PUDP: variants seen among roughly 807,000 people sequenced by gnomAD.
The protein encoded by PUDP is pseudouridine 5'-phosphatase.
In PUDP, 8 loss-of-function variants were observed where a neutral mutation model predicts 9.4. The ratio of observed to expected loss-of-function variants is 0.85; its 90% CI spans 0.50 to 1.53. The LOEUF (loss-of-function observed/expected upper bound fraction) is 1.53. Among genes scored for constraint, PUDP ranks in the 40% most tolerant of loss-of-function variants. The pLI is 0.00. For missense variants in PUDP, 188 were observed against 189.7 expected (o/e 0.99, Z 0.05); for synonymous variants, 99 against 80.7 (o/e 1.23, Z -1.22).
chrX:7,084,595 TTG>T (rs1210108828), intron 2 of PUDP, among the ~76,000 whole-genome samples: 1 of 111,894 alleles, frequency 8.9e-6, no homozygotes, highest in South Asian at 3.7e-4. Context: ...TTCTCAGGGT[TTG>T]TGTTTCCAAT....
chrX:6,751,214 G>A (rs1925076530), intron 3 of PUDP, among the ~76,000 whole-genome samples: 1 of 111,148 alleles, frequency 9.0e-6, no homozygotes, highest in African/African-American at 3.3e-5. Flanking sequence ...AAAGAAAATT[G>A]CAACTGTGTC....
intron 3 of PUDP, among the ~76,000 whole-genome samples, chrX:6,780,193 T>G (rs1172256831): frequency 9.2e-6 from 1 of 109,264 alleles, no homozygotes; most frequent in Non-Finnish European, 1.9e-5. Flanking sequence ...ATACACACAT[T>G]CTTGATCAGC....
chrX:6,727,391 AT>A (rs1924751658), intron 3 of PUDP, among the ~76,000 whole-genome samples: 1 of 112,288 alleles, frequency 8.9e-6, no homozygotes, highest in Non-Finnish European at 1.9e-5. Flanking sequence ...TAAAATATAA[AT>A]TTATAAATTA....
chrX:6,716,632 T>G (rs1250865351), intron 1 of PUDP, among the ~76,000 whole-genome samples: 1 of 91,201 alleles, frequency 1.1e-5, no homozygotes, highest in African/African-American at 4.1e-5. Context: ...TTTCTATGTA[T>G]GTATGTATTT....
chrX:7,083,055 G>T (rs765982688), intron 2 of PUDP, among the ~76,000 whole-genome samples: 8 of 112,756 alleles, frequency 7.1e-5, no homozygotes, highest in Non-Finnish European at 1.3e-4. Context: ...GAGCCCCCAG[G>T]AGCTGGGAAA....
At chrX:6,939,384 T>C (rs2146775676) in intron 3 of PUDP, among the ~76,000 whole-genome samples, 1 of 107,021 alleles carries the variant, frequency 9.3e-6, no homozygotes, top group East Asian at 2.8e-4. Flanking sequence ...ATTATTAATA[T>C]ATATTATTAA....
chrX:6,992,770 T>G (rs776878150), intron 1 of PUDP, among the ~76,000 whole-genome samples: 2 of 111,490 alleles, frequency 1.8e-5, no homozygotes, highest in South Asian at 7.6e-4. Flanking sequence ...TCTGTGAGGG[T>G]GTTGCCAAGG....
chrX:7,067,273 G>A (rs1410573466), intron 3 of PUDP, among the ~76,000 whole-genome samples: 4 of 111,972 alleles, frequency 3.6e-5, no homozygotes, highest in African/African-American at 9.8e-5. Flanking sequence ...GCTCAGCTCT[G>A]GCGTAATTCT....
rs1313787699 is a variant in PUDP, at chrX:7,082,106, G to C, written c.281-4657C>G. Reference sequence around the variant, plus strand: ...CAGTTCCCAGCTCCTAGAATTTGGTGTGCTTCCGTGGGTTTACAGGAAGGG... The same window carrying C: ...CAGTTCCCAGCTCCTAGAATTTGGTCTGCTTCCGTGGGTTTACAGGAAGGG... On this transcript the variant is annotated intron_variant, in intron 2 of 3. Transcript: ENST00000381077. Among the ~76,000 whole-genome samples the C allele has an allele frequency of 2.7e-5, 3 of 112,053 alleles. No individual in the cohort carries two copies. The Admixed American group carries it at 2.8e-4, about 11-fold the overall frequency.
chrX:6,829,085 G>A (rs1334109905), intron 3 of PUDP, among the ~76,000 whole-genome samples: 1 of 110,879 alleles, frequency 9.0e-6, no homozygotes, highest in Non-Finnish European at 1.9e-5. Context: ...GCACTTAGAT[G>A]CAGCAAGAAG....
intron 1 of PUDP, among the ~76,000 whole-genome samples, chrX:7,112,683 C>T (rs746194737): frequency 2.7e-5 from 3 of 111,709 alleles, no homozygotes; most frequent in South Asian, 7.6e-4. Context: ...AAGAGTTCAG[C>T]TTTTCTTTTT....
chrX:6,765,104 C>CA (rs202172369), intron 3 of PUDP, among the ~76,000 whole-genome samples: 1,281 of 86,932 alleles, frequency 0.015, 29 homozygotes, highest in African/African-American at 0.045. Context: ...GCACCTCTAC[C>CA]AAAAAAAAAA....
intron 1 of PUDP, among the ~76,000 whole-genome samples, chrX:7,040,081 C>G (rs1234321709): frequency 7.1e-5 from 8 of 112,263 alleles, no homozygotes; most frequent in Non-Finnish European, 3.8e-5. Context: ...CTGCCATTTT[C>G]ATATAACTCT....
intron 3 of PUDP, among the ~76,000 whole-genome samples, chrX:6,883,084 A>C (rs1468725143): frequency 8.9e-6 from 1 of 111,930 alleles, no homozygotes; most frequent in East Asian, 2.8e-4. Flanking sequence ...CACATTCTTA[A>C]AGGTACTGGT....
chrX:7,106,643 T>C (rs1931892576), intron 1 of PUDP, among the ~76,000 whole-genome samples: 1 of 111,761 alleles, frequency 8.9e-6, no homozygotes, highest in African/African-American at 3.3e-5. Context: ...CCAATAAGAA[T>C]ACTACTGAGG....
chrX:7,047,609 C>T (rs1158875834), downstream of PUDP, among the ~76,000 whole-genome samples: 1 of 112,331 alleles, frequency 8.9e-6, no homozygotes, highest in Non-Finnish European at 1.9e-5. Context: ...ACAATAACCA[C>T]CAGAGAATAC....
At chrX:6,965,448 G>C (rs1401121436) in intron 3 of PUDP, among the ~76,000 whole-genome samples, 2 of 112,324 alleles carry the variant, frequency 1.8e-5, no homozygotes, top group Non-Finnish European at 3.8e-5. Context: ...ATATCACAGA[G>C]ACCTGGATTC....
At chrX:6,722,658 C>T (rs974927140), upstream of PUDP, among the ~76,000 whole-genome samples, 1 of 111,146 alleles carries the variant, frequency 9.0e-6, no homozygotes, top group African/African-American at 3.3e-5. Flanking sequence ...AAGCCATAGA[C>T]GAACAGAGGT....
intron 1 of PUDP, among the ~76,000 whole-genome samples, chrX:7,036,652 T>G (rs1450408908): frequency 2.7e-5 from 3 of 110,905 alleles, no homozygotes; most frequent in Non-Finnish European, 5.7e-5. Flanking sequence ...TGGTGTCTCA[T>G]CTCCTTTTTG....
Sources: gnomAD v4.1 joint callset for allele counts (sites outside exome capture counted in the v4.1 genomes callset) on GRCh38, gnomAD v4.1.1 for gene constraint, MANE v1.5 for transcripts, NCBI Gene and HGNC (gene_info 2026-07-23, HGNC 2026-07-21) for gene names.